The following TMEM132C variants were observed in gnomAD, a reference collection of about 807,000 sequenced individuals.
TMEM132C encodes the protein protein phosphatase 1, regulatory subunit 152.
Under a neutral mutation model 61.4 loss-of-function variants are expected in TMEM132C, and 29 were observed. The ratio of observed to expected loss-of-function variants is 0.47; its 90% CI spans 0.35 to 0.64. The LOEUF (loss-of-function observed/expected upper bound fraction) is 0.64. Ranked by LOEUF, TMEM132C falls within the 30% of genes least tolerant of loss-of-function variation. The pLI is 0.00. For synonymous variants in TMEM132C, 656 were observed against 633.1 expected, an observed-to-expected ratio of 1.04 and a Z score of -0.54; for missense variants, 1,408 against 1,476.9, an observed-to-expected ratio of 0.95 and a Z score of 0.76.
intron 1 of TMEM132C, among the ~76,000 whole-genome samples, chr12:128,333,140 G>T (rs115354360): frequency 6.6e-6 from 1 of 151,876 alleles, no homozygotes; most frequent in Non-Finnish European, 1.5e-5. Flanking sequence ...TTATGTGTAT[G>T]TGTGTGCATG....
chr12:128,501,924 G>A (rs1173916282), intron 2 of TMEM132C, among the ~76,000 whole-genome samples: 5 of 152,172 alleles, frequency 3.3e-5, no homozygotes, highest in Admixed American at 3.3e-4. Context: ...TCCTTGGAAA[G>A]CCTGAGTCAG....
intron 1 of TMEM132C, among the ~76,000 whole-genome samples, chr12:128,401,462 G>C (rs1875154243): frequency 6.6e-6 from 1 of 152,140 alleles, no homozygotes. Flanking sequence ...ACTTGCTCCT[G>C]TATTTAGAGT....
intron 4 of TMEM132C, among the ~76,000 whole-genome samples, chr12:128,650,074 C>G (rs557323019): frequency 6.6e-6 from 1 of 152,178 alleles, no homozygotes; most frequent in African/African-American, 2.4e-5. Flanking sequence ...CCATTTGAGA[C>G]GAGTTGCATC....
At chr12:128,497,846 T>C (rs553148978) in intron 2 of TMEM132C, among the ~76,000 whole-genome samples, 5 of 152,216 alleles carry the variant, frequency 3.3e-5, no homozygotes, top group Non-Finnish European at 5.9e-5. Context: ...GCCCCCAATG[T>C]CTGACAAGCC....
In TMEM132C at chr12:128,575,496, A is replaced by G. The variant is rs1002695664; in HGVS notation, c.1121+31393A>G. Among the ~76,000 whole-genome samples, 4 of 146,436 alleles carry G rather than the reference A, an allele frequency of 2.7e-5. No individual in the cohort carries two copies. In the South Asian group the frequency reaches 6.2e-4, roughly 23 times the overall value. On this transcript the variant is annotated intron_variant, in intron 3 of 8. Coordinates refer to ENST00000435159, the MANE Select transcript of TMEM132C (RefSeq NM_001136103.3). ...TCCGTCTCAAAAAGAAAAAAAAAAG[A>G]AAAAAAAGGACATGTGTCAAATATT...
At chr12:128,421,799 C>CG (rs1275811549) in intron 2 of TMEM132C, among the ~76,000 whole-genome samples, 4 of 152,100 alleles carry the variant, frequency 2.6e-5, no homozygotes, top group Non-Finnish European at 5.9e-5. Context: ...AAAATAATTA[C>CG]CAACAGAAAT....
At chr12:128,546,560 C>G (rs1326156735) in intron 3 of TMEM132C, among the ~76,000 whole-genome samples, 1 of 152,126 alleles carries the variant, frequency 6.6e-6, no homozygotes, top group East Asian at 1.9e-4. Context: ...TGAGTTTCCA[C>G]AGTCAGCCAT....
chr12:128,584,969 A>G (rs546835889), intron 3 of TMEM132C, among the ~76,000 whole-genome samples: 4 of 152,150 alleles, frequency 2.6e-5, no homozygotes, highest in Non-Finnish European at 4.4e-5. Context: ...ATGTCTGCCA[A>G]TTGTCTTTGG....
At chr12:128,301,961 G>A (rs2135919000) in intron 1 of TMEM132C, among the ~76,000 whole-genome samples, 1 of 152,300 alleles carries the variant, frequency 6.6e-6, no homozygotes, top group East Asian at 1.9e-4. Context: ...AAAACCATCA[G>A]ATCTCATGAG....
rs1460362814 is a variant in TMEM132C, at chr12:128,705,996, C to A, written c.3028C>A (p.His1010Asn). Residue 1010 changes from histidine to asparagine, a missense_variant, in exon 9 of 9, where the codon CAT (histidine) becomes AAT (asparagine). Physicochemically the swap from His to Asn is moderately conservative, Grantham distance 68. Coordinates refer to ENST00000435159, the MANE Select transcript of TMEM132C (RefSeq NM_001136103.3). ...ACCGGGGGCCTGCGAGGAGAGCAAC[C>A]ATCTCCTGCTCAATGGTGGCTCCCA... is the stretch of plus-strand genomic sequence containing the variant. Reference protein sequence around the residue: ...RGPGACEESNHLLLNGGSHKH... With the variant: ...RGPGACEESNNLLLNGGSHKH... 3.2e-6 allele frequency: 5 copies of A among 1,551,720 alleles called. No individual in the cohort carries two copies. Among genetic ancestry groups the A allele is most frequent in the Non-Finnish European group, 4.4e-6 (5 of 1,147,000 alleles).
At chr12:128,632,053 A>C (rs959741526) in intron 4 of TMEM132C, among the ~76,000 whole-genome samples, 1 of 152,294 alleles carries the variant, frequency 6.6e-6, no homozygotes, top group Non-Finnish European at 1.5e-5. Context: ...GGCTTTACAG[A>C]CACCCCAGAT....
At chr12:128,543,928 C>A in intron 2 of TMEM132C, 29 bp from the exon 3 acceptor site, 1 of 1,536,710 alleles carries the variant, frequency 6.5e-7, no homozygotes, top group African/African-American at 1.4e-5. Flanking sequence ...AACCCTGTCT[C>A]TCTCTCTCTC....
At chr12:128,684,927 C>A (rs940682047) in intron 5 of TMEM132C, among the ~76,000 whole-genome samples, 1 of 152,160 alleles carries the variant, frequency 6.6e-6, no homozygotes, top group Admixed American at 6.5e-5. Context: ...GCACATTGCA[C>A]AGGAGATGCC....
At chr12:128,654,166 A>T (rs547735503) in intron 4 of TMEM132C, among the ~76,000 whole-genome samples, 52 of 152,334 alleles carry the variant, frequency 3.4e-4, no homozygotes, top group African/African-American at 1.3e-3. Context: ...GGGTCTTTGC[A>T]GATACCATTG....
intron 1 of TMEM132C, among the ~76,000 whole-genome samples, chr12:128,282,543 C>A (rs966087329): frequency 4.6e-5 from 7 of 152,164 alleles, no homozygotes; most frequent in African/African-American, 1.7e-4. Flanking sequence ...GCCACTACCC[C>A]CCTCCTCATG....
intron 2 of TMEM132C, among the ~76,000 whole-genome samples, chr12:128,420,165 C>T (rs1028570528): frequency 2.0e-5 from 3 of 152,074 alleles, no homozygotes; most frequent in Non-Finnish European, 2.9e-5. Context: ...CAGTGAAGTC[C>T]AGCCTGGGTG....
chr12:128,498,234 C>T (rs775122285), intron 2 of TMEM132C, among the ~76,000 whole-genome samples: 16 of 152,176 alleles, frequency 1.1e-4, no homozygotes, highest in South Asian at 6.2e-4. Flanking sequence ...GGGACACATA[C>T]GGCCACTGTT....
At chr12:128,566,432 C>T (rs903487042) in intron 3 of TMEM132C, among the ~76,000 whole-genome samples, 1 of 152,086 alleles carries the variant, frequency 6.6e-6, no homozygotes, top group African/African-American at 2.4e-5. Flanking sequence ...TTTCTTTGCT[C>T]GTTTTATTTA....
At chr12:128,279,815 C>G (rs1870833006) in intron 1 of TMEM132C, among the ~76,000 whole-genome samples, 1 of 152,198 alleles carries the variant, frequency 6.6e-6, no homozygotes, top group East Asian at 1.9e-4. Flanking sequence ...CTTATCACCT[C>G]CTGATAAACT....
Sources: gnomAD v4.1 joint callset for allele counts (sites outside exome capture counted in the v4.1 genomes callset) on GRCh38, gnomAD v4.1.1 for gene constraint, MANE v1.5 for transcripts, NCBI Gene and HGNC (gene_info 2026-07-23, HGNC 2026-07-21) for gene names.